SAMD3: variants seen among roughly 807,000 people sequenced by gnomAD.
SAMD3 encodes the protein sterile alpha motif domain-containing protein 3.
In SAMD3, 63 loss-of-function variants were observed where a neutral mutation model predicts 58.5. That is an observed-to-expected ratio of 1.08 (90% CI 0.88 to 1.33). SAMD3 has a LOEUF of 1.33. Among genes scored for constraint, SAMD3 ranks in the 40% most tolerant of loss-of-function variants. SAMD3 has a pLI of 0.00. For synonymous variants in SAMD3, 220 were observed against 210.3 expected (o/e 1.05, Z -0.40); for missense variants, 604 against 608.4 (o/e 0.99, Z 0.08).
chr6:130,308,742 T>G (rs1776037365), intron 2 of SAMD3, among the ~76,000 whole-genome samples: 1 of 152,054 alleles, frequency 6.6e-6, no homozygotes, highest in African/African-American at 2.4e-5. Context: ...TAGATACTGA[T>G]TCACAATTGC....
chr6:130,236,323 T>A (rs1773145290), intron 2 of SAMD3, among the ~76,000 whole-genome samples: 1 of 151,978 alleles, frequency 6.6e-6, no homozygotes, highest in South Asian at 2.1e-4. Flanking sequence ...AAGTTAGACC[T>A]CAGGTCTCTT....
chr6:130,297,926 A>T (rs1775622775), intron 2 of SAMD3, among the ~76,000 whole-genome samples: 2 of 152,198 alleles, frequency 1.3e-5, no homozygotes, highest in South Asian at 4.1e-4. Flanking sequence ...TTCCTGAGAA[A>T]AAAGAAAAAG....
chr6:130,240,382 T>C (rs182318933), intron 2 of SAMD3, among the ~76,000 whole-genome samples: 32 of 152,302 alleles, frequency 2.1e-4, no homozygotes, highest in African/African-American at 7.5e-4. Flanking sequence ...GAATAAGCTG[T>C]AATGCTCAGA....
At chr6:130,327,756 G>A (rs1776801767) in intron 1 of SAMD3, among the ~76,000 whole-genome samples, 1 of 152,164 alleles carries the variant, frequency 6.6e-6, no homozygotes, top group Non-Finnish European at 1.5e-5. Context: ...TATGCTAAAT[G>A]TAAGATACTT....
chr6:130,315,850 T>C (rs1776345363), intron 1 of SAMD3, among the ~76,000 whole-genome samples: 1 of 152,134 alleles, frequency 6.6e-6, no homozygotes, highest in Admixed American at 6.5e-5. Flanking sequence ...AACGATGAGC[T>C]CCCCAAAGTA....
At position 130,285,723 on chromosome 6, in the gene SAMD3, T is replaced by C. The variant is rs1158390940; in HGVS notation, c.-188+27255A>G. Among the ~76,000 whole-genome samples, 5 of 152,268 alleles carry C rather than the reference T, an allele frequency of 3.3e-5. No homozygotes were observed. In the East Asian group the frequency reaches 9.6e-4, roughly 29 times the overall value. ...TTACTTGAAGCCAATAGCATCTTAT[T>C]ATGCCCAGTGACAATTTTAAAAGTC... On this transcript the variant is annotated intron_variant, in intron 2 of 13. Transcript: ENST00000368134.
At position 130,184,524 on chromosome 6, in the gene SAMD3, T is replaced by C; in HGVS notation, c.483A>G (p.Ala161=). Residue 161 remains alanine (A), a synonymous_variant, in exon 6 of 12, where the codon GCA becomes GCG. Coordinates refer to ENST00000439090, the MANE Select transcript of SAMD3 (RefSeq NM_001017373.4). ...TGCTGTGATCCGGGCACTTCTGCTC[T>C]GCTAACATGCATTTGACATCATAGG... is the stretch of plus-strand genomic sequence containing the variant. ...EFPYDVKCML[A]EQKCPDHSMR... is the part of the protein sequence containing the mutation. 1 of 1,614,202 alleles carries C rather than the reference T, an allele frequency of 6.2e-7. No homozygotes were observed. Among genetic ancestry groups the C allele is most frequent in the South Asian group, 1.1e-5 (1 of 91,084 alleles).
intron 2 of SAMD3, among the ~76,000 whole-genome samples, chr6:130,276,410 G>A (rs1774776754): frequency 6.6e-6 from 1 of 152,114 alleles, no homozygotes; most frequent in African/African-American, 2.4e-5. Context: ...GTTTACTAAG[G>A]TCAGGTTCTA....
At chr6:130,160,940 C>T (rs1790228343) in intron 8 of SAMD3, 1 of 150,174 alleles carries the variant, frequency 6.7e-6, no homozygotes, top group African/African-American at 2.5e-5. Flanking sequence ...AAATGGACTA[C>T]AGAGGATTTA....
chr6:130,144,506 T>C lies in SAMD3; in HGVS notation c.*14A>G. On this transcript the variant is annotated 3_prime_UTR_variant, in exon 12 of 12. Transcript: ENST00000439090. ...TTCCCAGAGGTAAATTCCAGTACAA[T>C]ATTTGGCATGCTATTAAGTGAGTGG... 1 of 1,609,346 alleles carries C rather than the reference T, an allele frequency of 6.2e-7. No individual in the cohort carries two copies. The highest frequency in any genetic ancestry group is 8.5e-7 in the Non-Finnish European group (1 of 1,177,706).
chr6:130,330,471 G>A (rs1222329869), intron 1 of SAMD3, among the ~76,000 whole-genome samples: 5 of 152,192 alleles, frequency 3.3e-5, no homozygotes, highest in East Asian at 3.8e-4. Context: ...ATGTAGCTAT[G>A]TTTTTGGAAG....
chr6:130,144,931 CAT>C (rs1313959051), intron 11 of SAMD3, 127 bp from the exon 12 acceptor site: 8 of 963,960 alleles, frequency 8.3e-6, no homozygotes, highest in African/African-American at 6.7e-5. Context: ...ATATGACAAA[CAT>C]ACTTCAAAAT....
At position 130,345,270 on chromosome 6, in the gene SAMD3, G is replaced by A. The variant is rs1466704104; in HGVS notation, c.-304+19850C>T. ...CAAGTGGCTCCCCTGAAGAGGGAAG[G>A]ATATTAGAAAAAGAAGCCTAGGAAT... On this transcript the variant is annotated intron_variant, in intron 1 of 13. Coordinates refer to the SAMD3 transcript ENST00000368134. Among the ~76,000 whole-genome samples the A allele has an allele frequency of 3.9e-5, 6 of 152,222 alleles. No homozygotes were observed. The East Asian group carries it at 1.2e-3, about 29-fold the overall frequency.
chr6:130,179,810 C>CTTTT (rs71028199), intron 7 of SAMD3, among the ~76,000 whole-genome samples: 13 of 116,222 alleles, frequency 1.1e-4, no homozygotes, highest in Non-Finnish European at 1.3e-4. Flanking sequence ...TGTCCTTATT[C>CTTTT]TTTTTTTTTT....
At chr6:130,317,459 T>G (rs1776418841) in intron 1 of SAMD3, among the ~76,000 whole-genome samples, 1 of 152,228 alleles carries the variant, frequency 6.6e-6, no homozygotes, top group Non-Finnish European at 1.5e-5. Flanking sequence ...ACAGAGGAGA[T>G]ATACATATAA....
chr6:130,314,295 T>C (rs188430865), intron 1 of SAMD3, among the ~76,000 whole-genome samples: 1 of 152,294 alleles, frequency 6.6e-6, no homozygotes, highest in Admixed American at 6.5e-5. Context: ...AAACTAACAA[T>C]ATAGCCCTTA....
chr6:130,299,364 A>G (rs987520689), intron 2 of SAMD3, among the ~76,000 whole-genome samples: 4 of 152,194 alleles, frequency 2.6e-5, no homozygotes, highest in African/African-American at 7.2e-5. Context: ...CTTCTGAATG[A>G]CTTTTGGGTA....
At chr6:130,308,440 T>TTCTATTCTA (rs1776023690) in intron 2 of SAMD3, among the ~76,000 whole-genome samples, 1 of 104,570 alleles carries the variant, frequency 9.6e-6, no homozygotes. Flanking sequence ...ATTCTATTCT[T>TTCTATTCTA]TTGTGTGTGT....
chr6:130,281,214 G>T (rs1383470104), intron 2 of SAMD3, among the ~76,000 whole-genome samples: 1 of 152,298 alleles, frequency 6.6e-6, no homozygotes, highest in East Asian at 1.9e-4. Flanking sequence ...ATTATGGAAA[G>T]CAATACTGTG....
Sources: gnomAD v4.1 joint callset for allele counts (sites outside exome capture counted in the v4.1 genomes callset) on GRCh38, gnomAD v4.1.1 for gene constraint, MANE v1.5 for transcripts, NCBI Gene and HGNC (gene_info 2026-07-23, HGNC 2026-07-21) for gene names.